The following SBNO2 variants were observed in gnomAD, a reference collection of about 807,000 sequenced individuals.
The protein encoded by SBNO2 is strawberry notch homolog 2.
In SBNO2, 89 loss-of-function variants were observed where a neutral mutation model predicts 146.3. The ratio of observed to expected loss-of-function variants is 0.61; its 90% CI spans 0.51 to 0.73. The LOEUF (loss-of-function observed/expected upper bound fraction) is 0.73. Among genes scored for constraint, SBNO2 ranks in the 30% least tolerant of loss-of-function variants. The pLI is 0.00. For missense variants in SBNO2, 2,092 were observed against 2,003.7 expected (o/e 1.04, Z -0.84); for synonymous variants, 1,147 against 892.6 (o/e 1.29, Z -5.08).
chr19:1,125,601 A>T (rs2079956226), intron 5 of SBNO2, among the ~76,000 whole-genome samples: 1 of 151,978 alleles, frequency 6.6e-6, no homozygotes, highest in South Asian at 2.1e-4. Context: ...TGAACCTGGG[A>T]GGTGGAGGGT....
rs377552987 is a variant in SBNO2, at chr19:1,108,334, G to T, written c.3987C>A (p.Ser1329=). 1.0e-5 allele frequency: 14 copies of T among 1,353,440 alleles called. No individual in the cohort carries two copies. In the East Asian group the frequency reaches 4.3e-4, roughly 42 times the overall value. The allele number at this position is 1,353,440 out of a possible 1,614,324, so 83.8% of individuals were successfully genotyped here. A position where few individuals can be genotyped will look rare whatever the true frequency, so the allele number is the denominator to read the frequency against. ...CCGCGCCCTCCCCCAGCGCGCCCTC[G>T]GAGGGCGGCCCCGCGTGCAGCGAGC... ...MLRSLHAGPP[S]EGALGEGAGA... Residue 1329 remains serine (S), a synonymous_variant, in exon 32 of 32, where the codon TCC becomes TCA. Transcript: ENST00000361757.
chr19:1,159,978 C>T (rs971097952), intron 1 of SBNO2, among the ~76,000 whole-genome samples: 1 of 152,078 alleles, frequency 6.6e-6, no homozygotes, highest in Non-Finnish European at 1.5e-5. Context: ...CGGCGCTGCC[C>T]CTGCCCACGC....
rs150987484 is a variant in SBNO2, at chr19:1,147,663, C to T, written c.168-243G>A. ...CCCGGCAGAGCTCCTACGGAACAGCCGCCTGGTGGGCGGGGGGACATCCAG... is the reference window on the plus strand; with the variant it reads ...CCCGGCAGAGCTCCTACGGAACAGCTGCCTGGTGGGCGGGGGGACATCCAG... On this transcript the variant is annotated intron_variant, in intron 3 of 31. Transcript: ENST00000361757. Among the ~76,000 whole-genome samples the T allele has an allele frequency of 2.0e-3, 310 of 152,126 alleles. 1 individual carries two copies. The highest frequency in any genetic ancestry group is 7.1e-3 in the African/African-American group (294 of 41,504).
At chr19:1,142,116 T>TCAATGACCTCCTTCCCCAA (rs1568608756) in intron 4 of SBNO2, among the ~76,000 whole-genome samples, 41 of 25,450 alleles carry the variant, frequency 1.6e-3, no homozygotes, top group East Asian at 2.2e-3. Flanking sequence ...ACCTCCCTCA[T>TCAATGACCTCCTTCCCCAA]GATCAACCCT....
chr19:1,168,279 C>T (rs1265701595), intron 1 of SBNO2, among the ~76,000 whole-genome samples: 2 of 152,034 alleles, frequency 1.3e-5, no homozygotes, highest in East Asian at 3.9e-4. Flanking sequence ...AAGCTCCTGG[C>T]GGGTAGCAGT....
At chr19:1,115,934 T>C (rs1290067101) in intron 17 of SBNO2, 87 bp downstream of exon 17, 3 of 723,228 alleles carry the variant, frequency 4.1e-6, no homozygotes, top group African/African-American at 3.7e-5. Flanking sequence ...GACGGGGGAG[T>C]GGGGGAAGCA....
Position 1,110,715 on chromosome 19 carries a change from CCCACA to C in SBNO2, c.3028+25_3028+29del. The C allele has an allele frequency of 3.7e-6, 6 of 1,612,572 alleles. No homozygotes were observed. Among genetic ancestry groups the C allele is most frequent in the Middle Eastern group, 1.7e-4 (1 of 6,054 alleles). ...CCCACGAGCCCCGCACCCACACCCACCCACACCACACCCCGGCACCTGTGCTCACC... is the reference window on the plus strand; with the variant it reads ...CCCACGAGCCCCGCACCCACACCCACCCACACCCCGGCACCTGTGCTCACC... On this transcript the variant is annotated intron_variant, in intron 26 of 31. Coordinates refer to ENST00000361757, the MANE Select transcript of SBNO2 (RefSeq NM_014963.3). The surrounding 1 kb of genome is among the most constrained non-coding windows in gnomAD (Gnocchi z 4.9).
chr19:1,143,399 G>A (rs1004028821), intron 4 of SBNO2, among the ~76,000 whole-genome samples: 7 of 152,180 alleles, frequency 4.6e-5, no homozygotes, highest in Non-Finnish European at 1.0e-4. Flanking sequence ...TTGAGCCCAG[G>A]AGGTGGAGGC....
chr19:1,173,412 G>C lies in SBNO2; in HGVS notation c.-127+760C>G, dbSNP rs1173450309. ...ACGGCCCCGGGGTCACCTAATATCAGCAAGCCCCCATCCCAAACCGGGGGA... is the reference window on the plus strand; with the variant it reads ...ACGGCCCCGGGGTCACCTAATATCACCAAGCCCCCATCCCAAACCGGGGGA... On this transcript the variant is annotated intron_variant, in intron 1 of 31. Coordinates refer to ENST00000361757, the MANE Select transcript of SBNO2 (RefSeq NM_014963.3). This position sits in a 1 kb window ranked among gnomAD's most constrained non-coding sequence, Gnocchi z 4.7. Among the ~76,000 whole-genome samples the C allele has an allele frequency of 6.6e-6, 1 of 152,186 alleles. No individual in the cohort carries two copies. Among genetic ancestry groups the C allele is most frequent in the Non-Finnish European group, 1.5e-5 (1 of 68,046 alleles).
At position 1,122,470 on chromosome 19, in the gene SBNO2, T is replaced by C; in HGVS notation, c.1003A>G (p.Lys335Glu). 6.4e-7 allele frequency: 1 copy of C among 1,570,664 alleles called. No individual in the cohort carries two copies. Among genetic ancestry groups the C allele is most frequent in the Non-Finnish European group, 8.6e-7 (1 of 1,160,072 alleles). The stretch of plus-strand genomic sequence containing the variant: ...ACTTTGCCGAGCACAGCCCCTACCT[T>C]GCTGAGCGCGTGCACCGCGATGCCC... Reference protein sequence around the residue: ...ATGIAVHALSKIKYGDTTTSE... With the variant: ...ATGIAVHALSEIKYGDTTTSE... The change falls in exon 10 of 32, where the codon AAG (lysine) becomes GAG (glutamate). Residue 335 changes from lysine (K) to glutamate (E), a missense_variant and splice_region_variant. Coordinates refer to ENST00000361757, the MANE Select transcript of SBNO2 (RefSeq NM_014963.3).
At chr19:1,139,371 T>A (rs2080114429) in intron 4 of SBNO2, among the ~76,000 whole-genome samples, 1 of 152,038 alleles carries the variant, frequency 6.6e-6, no homozygotes, top group African/African-American at 2.4e-5. Flanking sequence ...GGACAGGGCC[T>A]CCTCTAGGGG....
chr19:1,120,078 C>G, intron 11 of SBNO2, 55 bp from the exon 12 acceptor site: 5 of 1,447,096 alleles, frequency 3.5e-6, no homozygotes, highest in Non-Finnish European at 4.7e-6. Flanking sequence ...ACCCCAGGAG[C>G]CCAGGTCCTG....
At position 1,146,680 on chromosome 19, in the gene SBNO2, G is replaced by A. The variant is rs965753978; in HGVS notation, c.279+629C>T. Among the ~76,000 whole-genome samples, 183 of 150,874 alleles carry A rather than the reference G, an allele frequency of 1.2e-3. 1 individual carries two copies. Among genetic ancestry groups the A allele is most frequent in the African/African-American group, 4.2e-3 (173 of 41,058 alleles). On this transcript the variant is annotated intron_variant, in intron 4 of 31. Transcript: ENST00000361757. ...ACTGGGTGCTCCAGAGCTGCCGAGA[G>A]GAAGCTGGGGCACTGGGAACCCCTT...
chr19:1,131,013 C>T lies in SBNO2; in HGVS notation c.280-3248G>A, dbSNP rs56744597. 3.6e-3 allele frequency among the ~76,000 whole-genome samples: 548 copies of T among 152,276 alleles called. 3 individuals carry two copies. Among genetic ancestry groups the T allele is most frequent in the African/African-American group, 0.013 (521 of 41,550 alleles). ...GGGTTCCCAGGGCTGGCCCTGTTCA[C>T]ATGTGGGAAGCTGAACAGAGCCAGG... On this transcript the variant is annotated intron_variant, in intron 4 of 31. Transcript: ENST00000361757.
rs142504261 is a variant in SBNO2 at position 1,126,039 on chromosome 19, C to T, written c.441+1565G>A. On this transcript the variant is annotated intron_variant, in intron 5 of 31. Transcript: ENST00000361757. This position sits in a 1 kb window ranked among gnomAD's most constrained non-coding sequence, Gnocchi z 4.4. ...TAAATAAGAGCATCTCTTCTAGACCCGGTCCCCCCCTTGAACTCCAACGTC... is the reference window on the plus strand; with the variant it reads ...TAAATAAGAGCATCTCTTCTAGACCTGGTCCCCCCCTTGAACTCCAACGTC... 2.6e-5 allele frequency among the ~76,000 whole-genome samples: 4 copies of T among 152,254 alleles called. No homozygotes were observed. In the East Asian group the frequency reaches 5.8e-4, roughly 22 times the overall value.
At chr19:1,111,477 C>A in intron 24 of SBNO2, 29 bp downstream of exon 24, 3 of 1,489,608 alleles carry the variant, frequency 2.0e-6, no homozygotes, top group Non-Finnish European at 2.8e-6. Flanking sequence ...CCTGCCCCTC[C>A]CAGGAAGACC....
intron 4 of SBNO2, among the ~76,000 whole-genome samples, chr19:1,142,614 A>G (rs1234845490): frequency 6.6e-6 from 1 of 152,192 alleles, no homozygotes; most frequent in East Asian, 1.9e-4. Flanking sequence ...TGGGAGGCAG[A>G]GGTTGCAGTG....
chr19:1,113,091 A>C, intron 19 of SBNO2, 142 bp from the exon 20 acceptor site: 1 of 932,930 alleles, frequency 1.1e-6, no homozygotes. Context: ...TGGGAAAGGG[A>C]GGGCGGGACT....
Position 1,116,036 on chromosome 19 carries a change from C to T in SBNO2, c.1870G>A (p.Gly624Ser), listed in dbSNP as rs755662460. The change falls in exon 17 of 32, where the codon GGC (glycine) becomes AGC (serine). Residue 624 changes from glycine (G) to serine (S), a missense_variant. Transcript: ENST00000361757. ...STKRKRDRGA[G>S]SKRKRRPRGR... Reference sequence around the variant, plus strand: ...CAGGGCTTACGTTTCCGCTTGCTGCCCGCTCCTCTGTCCCGCTTTCTCTTG... The same window carrying T: ...CAGGGCTTACGTTTCCGCTTGCTGCTCGCTCCTCTGTCCCGCTTTCTCTTG... 1.2e-6 allele frequency: 2 copies of T among 1,610,420 alleles called. No individual in the cohort carries two copies. Among genetic ancestry groups the T allele is most frequent in the Non-Finnish European group, 1.7e-6 (2 of 1,179,168 alleles).
Sources: allele counts gnomAD v4.1 joint callset (sites outside exome capture counted in the v4.1 genomes callset), GRCh38; gene constraint gnomAD v4.1.1; non-coding constraint Gnocchi (gnomAD v3.1); transcripts MANE v1.5; gene names NCBI Gene and HGNC (gene_info 2026-07-23, HGNC 2026-07-21).